The following CLUAP1 variants were observed in gnomAD, a reference collection of about 807,000 sequenced individuals.
The protein encoded by CLUAP1 is intraflagellar transport 38.
Under a neutral mutation model 55.0 loss-of-function variants are expected in CLUAP1, and 50 were observed. The ratio of observed to expected loss-of-function variants is 0.91; its 90% CI spans 0.72 to 1.15. CLUAP1 has a LOEUF of 1.15. Ranked by LOEUF, CLUAP1 falls within the 50% of genes most tolerant of loss-of-function variation. The pLI, the probability that CLUAP1 is intolerant of heterozygous loss-of-function variation, is 0.00. For missense variants in CLUAP1, 530 were observed against 507.6 expected (o/e 1.04, Z -0.42); for synonymous variants, 195 against 175.4 (o/e 1.11, Z -0.88).
In CLUAP1 at chr16:3,501,056, G is replaced by A. The variant is rs1425336774; in HGVS notation, c.-12G>A. ...GCAGTTGCGACCCTGGGCTCCTGGG[G>A]ACCTGAGCGTTATGTCTTTCCGCGA... On this transcript the variant is annotated 5_prime_UTR_variant, in exon 1 of 12. Coordinates refer to ENST00000576634, the MANE Select transcript of CLUAP1 (RefSeq NM_015041.3). 4 of 1,599,618 alleles carry A rather than the reference G, an allele frequency of 2.5e-6. No individual in the cohort carries two copies. The highest frequency in any genetic ancestry group is 2.2e-5 in the East Asian group (1 of 44,524).
At chr16:3,527,636 C>T (rs1160689996) in intron 9 of CLUAP1, among the ~76,000 whole-genome samples, 1 of 152,152 alleles carries the variant, frequency 6.6e-6, no homozygotes, top group African/African-American at 2.4e-5. Context: ...TATCCGGAGG[C>T]CTAACCATCT....
chr16:3,510,314 T>A (rs942829723), intron 4 of CLUAP1, among the ~76,000 whole-genome samples: 1 of 151,354 alleles, frequency 6.6e-6, no homozygotes, highest in Non-Finnish European at 1.5e-5. Flanking sequence ...TTTTTTTTTT[T>A]TAGCAGAGAT....
upstream of CLUAP1, among the ~76,000 whole-genome samples, chr16:3,499,809 A>C (rs1303791551): frequency 2.0e-5 from 3 of 152,228 alleles, no homozygotes; most frequent in Non-Finnish European, 4.4e-5. Flanking sequence ...ACAAGGTACC[A>C]ACGGACCAGA....
At chr16:3,535,257 A>G (rs145530037) in intron 11 of CLUAP1, 1 of 153,028 alleles carries the variant, frequency 6.5e-6, no homozygotes, top group African/African-American at 2.4e-5. Context: ...GCCCGGGGGA[A>G]CTGAAGCAGT....
chr16:3,511,605 G>A (rs1173418803), intron 4 of CLUAP1, among the ~76,000 whole-genome samples: 1 of 152,178 alleles, frequency 6.6e-6, no homozygotes. Flanking sequence ...TTGTGTGGCC[G>A]CTCTGCTGCC....
chr16:3,505,051 A>G (rs1475204063), intron 2 of CLUAP1, among the ~76,000 whole-genome samples: 1 of 152,124 alleles, frequency 6.6e-6, no homozygotes, highest in Admixed American at 6.6e-5. Context: ...TAGCCTCATC[A>G]ACATAGCAAG....
In CLUAP1 at chr16:3,536,338, G is replaced by T. The variant is rs1318172977; in HGVS notation, c.*67G>T. 2 of 1,548,476 alleles carry T rather than the reference G, an allele frequency of 1.3e-6. No individual in the cohort carries two copies. Among genetic ancestry groups the T allele is most frequent in the Non-Finnish European group, 1.8e-6 (2 of 1,137,084 alleles). On this transcript the variant is annotated 3_prime_UTR_variant, in exon 12 of 12. Transcript: ENST00000576634. ...TTGTAGGTAAATGGGAACTTAGAAG[G>T]TTAGGAAGGTAACCCCTGTTTTGTT...
At chr16:3,500,118 C>T (rs2037358289), upstream of CLUAP1, among the ~76,000 whole-genome samples, 1 of 152,258 alleles carries the variant, frequency 6.6e-6, no homozygotes, top group African/African-American at 2.4e-5. Flanking sequence ...ACGTGGAGGC[C>T]GCCCCTTCCT....
chr16:3,510,942 G>A (rs757692403), intron 4 of CLUAP1, among the ~76,000 whole-genome samples: 1 of 152,184 alleles, frequency 6.6e-6, no homozygotes, highest in Non-Finnish European at 1.5e-5. Context: ...CTGGGAGCTG[G>A]GGAGCAATCA....
intron 9 of CLUAP1, among the ~76,000 whole-genome samples, chr16:3,529,639 T>TA (rs2038045375): frequency 2.2e-4 from 6 of 27,184 alleles, no homozygotes; most frequent in African/African-American, 8.4e-4. Context: ...TATATTATTA[T>TA]ATATTATATA....
At chr16:3,513,367 G>A (rs927207425) in intron 5 of CLUAP1, among the ~76,000 whole-genome samples, 2 of 152,222 alleles carry the variant, frequency 1.3e-5, no homozygotes, top group African/African-American at 4.8e-5. Flanking sequence ...CCTTATTCCA[G>A]CCAATGCCAG....
chr16:3,535,945 G>T (rs955298962), intron 11 of CLUAP1, 177 bp from the exon 12 acceptor site: 11 of 650,454 alleles, frequency 1.7e-5, no homozygotes, highest in Non-Finnish European at 2.8e-5. Context: ...ATAAATTCCA[G>T]CTGGCAGTAC....
chr16:3,514,320 A>G (rs1055186479), intron 5 of CLUAP1, among the ~76,000 whole-genome samples: 2 of 152,214 alleles, frequency 1.3e-5, no homozygotes, highest in Non-Finnish European at 2.9e-5. Context: ...TGAATGTAGT[A>G]CTTGTCAAAT....
upstream of CLUAP1, chr16:3,496,499 T>G (rs879036142): frequency 3.1e-6 from 2 of 643,318 alleles, no homozygotes; most frequent in Non-Finnish European, 5.6e-6. Flanking sequence ...TGCCCAAACT[T>G]AAGGTGTGTG....
In CLUAP1 at chr16:3,508,332, A is replaced by G. The variant is rs745494018; in HGVS notation, c.263A>G (p.Gln88Arg). The G allele has an allele frequency of 6.2e-7, 1 of 1,607,186 alleles. No homozygotes were observed. The highest frequency in any genetic ancestry group is 1.3e-5 in the African/African-American group (1 of 74,408). The change falls in exon 4 of 12, where the codon CAA becomes CGA. Residue 88 changes from glutamine to arginine, a missense_variant. Physicochemically the swap from Gln to Arg is conservative, Grantham distance 43. Coordinates refer to ENST00000576634, the MANE Select transcript of CLUAP1 (RefSeq NM_015041.3). ...AAACTCAACACTAAGAAGCTTTATC[A>G]AGCAGATGGGTATGCGGTAAAAGAG... ...HIKLNTKKLY[Q>R]ADGYAVKELL... is the part of the protein sequence containing the mutation.
intron 7 of CLUAP1, among the ~76,000 whole-genome samples, chr16:3,520,391 A>G (rs1205855886): frequency 6.6e-6 from 1 of 152,076 alleles, no homozygotes; most frequent in African/African-American, 2.4e-5. Context: ...CCCTGACTCT[A>G]AAAGAAAAAA....
intron 11 of CLUAP1, chr16:3,533,389 G>T: frequency 1.8e-6 from 1 of 540,764 alleles, no homozygotes; most frequent in South Asian, 2.2e-5. Context: ...GCCCTGGGCC[G>T]CCACCTAGAA....
In CLUAP1 at chr16:3,538,696, T is replaced by C. The variant is rs1220279415; in HGVS notation, c.*2425T>C. On this transcript the variant is annotated 3_prime_UTR_variant, in exon 12 of 12. Transcript: ENST00000576634. ...AGATCATCTGTTAGTTAACTGACTT[T>C]GTGCAAGGTCTCACCATGTATAGCA... 1 of 152,248 alleles carries C rather than the reference T, an allele frequency of 6.6e-6. No homozygotes were observed. The highest frequency in any genetic ancestry group is 1.5e-5 in the Non-Finnish European group (1 of 68,044). 9.4% of individuals were successfully genotyped at this position (152,248 alleles called of 1,614,324 possible). A position where few individuals can be genotyped will look rare whatever the true frequency, so the allele number is the denominator to read the frequency against.
chr16:3,528,401 C>T (rs2037990157), intron 9 of CLUAP1, among the ~76,000 whole-genome samples: 2 of 152,156 alleles, frequency 1.3e-5, no homozygotes, highest in African/African-American at 2.4e-5. Flanking sequence ...TCGTCTGAAT[C>T]TCAGGAAACT....
Sources: allele counts gnomAD v4.1 joint callset (sites outside exome capture counted in the v4.1 genomes callset), GRCh38; gene constraint gnomAD v4.1.1; transcripts MANE v1.5; gene names NCBI Gene and HGNC (gene_info 2026-07-23, HGNC 2026-07-21).